Variants in BLTP1 observed in about 807,000 individuals in gnomAD.
BLTP1 encodes the protein bridge-like lipid transfer protein family member 1.
At chr4:122,295,611 C>T in the BLTP1 span, among the ~76,000 whole-genome samples, 1 of 152,134 alleles carries the variant, frequency 6.6e-6, no homozygotes, top group African/African-American at 2.4e-5. Flanking sequence ...CTATCATCCT[C>T]ATACCTAAAC....
chr4:122,246,640 T>C, the BLTP1 span: 9 of 1,584,806 alleles, frequency 5.7e-6, no homozygotes, highest in Non-Finnish European at 6.9e-6. Flanking sequence ...GTTTAAGTGG[T>C]AATTTTTCAC....
the BLTP1 span, chr4:122,293,117 G>A: frequency 1.0e-6 from 1 of 961,122 alleles, no homozygotes; most frequent in African/African-American, 1.8e-5. Flanking sequence ...ATCAAGTATA[G>A]AGGATATGAT....
chr4:122,235,042 A>G, the BLTP1 span: 140 of 1,573,424 alleles, frequency 8.9e-5, no homozygotes, highest in Admixed American at 1.4e-4. Flanking sequence ...ATGTTTCGTC[A>G]CTTGTGCTAA....
At chr4:122,323,013 G>T in the BLTP1 span, among the ~76,000 whole-genome samples, 1 of 152,210 alleles carries the variant, frequency 6.6e-6, no homozygotes, top group East Asian at 1.9e-4. Flanking sequence ...TGGAACTACT[G>T]AAAGGCGATC....
chr4:122,349,419 C>T, the BLTP1 span: 4 of 1,562,064 alleles, frequency 2.6e-6, no homozygotes, highest in Non-Finnish European at 3.5e-6. This position sits in a 1 kb window ranked among gnomAD's most constrained non-coding sequence, Gnocchi z 4.5. Flanking sequence ...ATGGACATGT[C>T]TGTCAAAATT....
chr4:122,267,537 A>G, the BLTP1 span: 1 of 465,860 alleles, frequency 2.1e-6, no homozygotes, highest in Non-Finnish European at 2.8e-6. Flanking sequence ...ATATGCACTC[A>G]CCATTTATTT....
chr4:122,166,340 C>G, the BLTP1 span, among the ~76,000 whole-genome samples: 2 of 152,146 alleles, frequency 1.3e-5, no homozygotes, highest in South Asian at 2.1e-4. Flanking sequence ...AATCCTTTCC[C>G]CATTTCTTGA....
chr4:122,324,500 C>G, the BLTP1 span: 1 of 1,610,756 alleles, frequency 6.2e-7, no homozygotes, highest in Non-Finnish European at 8.5e-7. Context: ...ATTTCTGCTT[C>G]TGGAAGACCA....
chr4:122,259,883 T>C, the BLTP1 span: 2 of 930,580 alleles, frequency 2.1e-6, no homozygotes. Context: ...TTAACTTTCT[T>C]TGAAAGTCTG....
At chr4:122,247,886 A>G in the BLTP1 span, 16 of 976,948 alleles carry the variant, frequency 1.6e-5, no homozygotes, top group Non-Finnish European at 1.9e-5. Flanking sequence ...AGCACATTTT[A>G]TCATTTAGAT....
the BLTP1 span, chr4:122,333,920 T>C: frequency 7.5e-7 from 1 of 1,331,414 alleles, no homozygotes; most frequent in Non-Finnish European, 1.0e-6. Context: ...CTTAGTGACT[T>C]CTTTGTCTAA....
At chr4:122,281,704 T>A in the BLTP1 span, 1 of 1,611,230 alleles carries the variant, frequency 6.2e-7, no homozygotes, top group Non-Finnish European at 8.5e-7. Context: ...GTATAGCCAT[T>A]GGAGCAGCAC....
chr4:122,197,572 T>C, the BLTP1 span: 1 of 433,060 alleles, frequency 2.3e-6, no homozygotes, highest in Non-Finnish European at 3.1e-6. Flanking sequence ...CTGTTGCACT[T>C]TGAGAGCAGG....
At chr4:122,288,070 T>A in the BLTP1 span, among the ~76,000 whole-genome samples, 1 of 152,170 alleles carries the variant, frequency 6.6e-6, no homozygotes, top group Admixed American at 6.6e-5. Context: ...TAAAATTGCA[T>A]CCCTCTTAGA....
At chr4:122,354,290 A>G in the BLTP1 span, among the ~76,000 whole-genome samples, 1 of 152,180 alleles carries the variant, frequency 6.6e-6, no homozygotes, top group Non-Finnish European at 1.5e-5. Context: ...ATATTTTAGG[A>G]AATATTTAGG....
the BLTP1 span, chr4:122,209,841 C>G: frequency 1.2e-6 from 2 of 1,613,510 alleles, no homozygotes; most frequent in Non-Finnish European, 1.7e-6. Flanking sequence ...GAATGCTGGA[C>G]TGTCCCAAGT....
At chr4:122,189,608 G>C in the BLTP1 span, 2 of 914,538 alleles carry the variant, frequency 2.2e-6, no homozygotes, top group African/African-American at 3.6e-5. Context: ...TGTAAATGCA[G>C]AATATGATCA....
the BLTP1 span, chr4:122,333,749 A>G: frequency 6.2e-7 from 1 of 1,612,110 alleles, no homozygotes; most frequent in South Asian, 1.1e-5. Context: ...CATCATCTCT[A>G]CAGACAAAGC....
At chr4:122,211,676 TG>T in the BLTP1 span, among the ~76,000 whole-genome samples, 24 of 152,312 alleles carry the variant, frequency 1.6e-4, no homozygotes, top group African/African-American at 5.8e-4. Context: ...TGACTCATTT[TG>T]GTATAATTTT....
Sources: allele counts gnomAD v4.1 joint callset (sites outside exome capture counted in the v4.1 genomes callset), GRCh38; gene constraint gnomAD v4.1.1; non-coding constraint Gnocchi (gnomAD v3.1); transcripts MANE v1.5; gene names NCBI Gene and HGNC (gene_info 2026-07-23, HGNC 2026-07-21).